The following NBAS variants were observed in gnomAD, a reference collection of about 807,000 sequenced individuals.
NBAS encodes the protein NAG/BC035112 fusion.
In NBAS, 219 loss-of-function variants were observed where a neutral mutation model predicts 302.5. The ratio of observed to expected loss-of-function variants is 0.72; its 90% CI spans 0.65 to 0.81. The LOEUF (loss-of-function observed/expected upper bound fraction) is 0.81, where lower values mean the gene tolerates loss of function less well. Ranked by LOEUF, NBAS falls within the 30% of genes least tolerant of loss-of-function variation. The pLI is 0.00. For synonymous variants in NBAS, 1,118 were observed against 1,021.6 expected, an observed-to-expected ratio of 1.09 and a Z score of -1.80; for missense variants, 2,932 against 2,841.6, an observed-to-expected ratio of 1.03 and a Z score of -0.72.
intron 48 of NBAS, among the ~76,000 whole-genome samples, chr2:15,197,989 T>TGG (rs2125156344): frequency 6.6e-6 from 1 of 152,372 alleles, no homozygotes; most frequent in South Asian, 2.1e-4. Context: ...AAGTAGATTA[T>TGG]GGACATTGGC....
the NBAS span, among the ~76,000 whole-genome samples, chr2:14,856,366 T>C: frequency 6.6e-6 from 1 of 152,234 alleles, no homozygotes; most frequent in South Asian, 2.1e-4. Context: ...ATAATTAATA[T>C]ATGACCCTTC....
chr2:15,022,014 T>A, the NBAS span, among the ~76,000 whole-genome samples: 25 of 152,134 alleles, frequency 1.6e-4, no homozygotes, highest in Non-Finnish European at 3.7e-4. Context: ...TAGGAACTAC[T>A]CTTGAAACGT....
the NBAS span, among the ~76,000 whole-genome samples, chr2:14,934,110 T>C: frequency 6.6e-6 from 1 of 152,170 alleles, no homozygotes; most frequent in Non-Finnish European, 1.5e-5. Flanking sequence ...AATTTACAAA[T>C]GGAAAGGCTA....
the NBAS span, among the ~76,000 whole-genome samples, chr2:14,873,340 T>A: frequency 1.3e-5 from 2 of 152,192 alleles, no homozygotes; most frequent in Non-Finnish European, 2.9e-5. Flanking sequence ...CACCTCTCAC[T>A]AGTAGCTGGG....
intron 29 of NBAS, among the ~76,000 whole-genome samples, chr2:15,382,099 C>T (rs1190287324): frequency 2.2e-5 from 2 of 90,078 alleles, no homozygotes; most frequent in South Asian, 3.2e-4. Flanking sequence ...TCCACACAAA[C>T]GGAAATATAT....
chr2:15,216,312 G>T (rs1430298025), intron 48 of NBAS, among the ~76,000 whole-genome samples: 1 of 152,208 alleles, frequency 6.6e-6, no homozygotes, highest in Admixed American at 6.5e-5. Context: ...AAAACAAAAA[G>T]AGTGAGGGGG....
intron 43 of NBAS, among the ~76,000 whole-genome samples, chr2:15,276,156 A>G (rs1357690431): frequency 6.6e-6 from 1 of 152,184 alleles, no homozygotes; most frequent in Non-Finnish European, 1.5e-5. Flanking sequence ...AAACTGCATT[A>G]CATTTCTTTG....
chr2:15,044,012 G>A, the NBAS span, among the ~76,000 whole-genome samples: 1 of 152,290 alleles, frequency 6.6e-6, no homozygotes, highest in East Asian at 1.9e-4. Context: ...AATGAATGCT[G>A]ATTGACTGGA....
chr2:15,478,318 T>C, intron 12 of NBAS, 29 bp from the exon 13 acceptor site: 5 of 1,517,472 alleles, frequency 3.3e-6, no homozygotes, highest in Non-Finnish European at 4.6e-6. Context: ...ACTTCCTGAG[T>C]GAACTATGTA....
chr2:15,171,680 C>T (rs540004993), intron 51 of NBAS, among the ~76,000 whole-genome samples: 7 of 152,178 alleles, frequency 4.6e-5, no homozygotes, highest in African/African-American at 9.7e-5. Flanking sequence ...ATTCGTATGT[C>T]GAAGCCCTTA....
chr2:14,995,251 C>T, the NBAS span, among the ~76,000 whole-genome samples: 2 of 152,088 alleles, frequency 1.3e-5, no homozygotes, highest in African/African-American at 2.4e-5. Flanking sequence ...TGATGTTCCC[C>T]TTTCTGTGTC....
At chr2:14,939,853 T>A in the NBAS span, among the ~76,000 whole-genome samples, 1 of 152,254 alleles carries the variant, frequency 6.6e-6, no homozygotes, top group Non-Finnish European at 1.5e-5. Context: ...GAATGACTTT[T>A]AGAGATTATG....
At chr2:15,370,844 C>T (rs564342679) in intron 31 of NBAS, among the ~76,000 whole-genome samples, 1 of 152,304 alleles carries the variant, frequency 6.6e-6, no homozygotes, top group South Asian at 2.1e-4. Context: ...GTGGAAGGGA[C>T]TTGTCCTGTC....
chr2:15,054,243 T>A, the NBAS span, among the ~76,000 whole-genome samples: 2 of 152,242 alleles, frequency 1.3e-5, no homozygotes. Context: ...GAAAGCCATG[T>A]GCAGAGAGGT....
the NBAS span, among the ~76,000 whole-genome samples, chr2:14,854,248 A>T: frequency 6.6e-6 from 1 of 151,970 alleles, no homozygotes; most frequent in Non-Finnish European, 1.5e-5. Context: ...TCAAATAAAC[A>T]ACCTAATGAT....
At chr2:15,494,496 G>A (rs902473762) in intron 11 of NBAS, among the ~76,000 whole-genome samples, 4 of 152,138 alleles carry the variant, frequency 2.6e-5, no homozygotes, top group South Asian at 4.1e-4. Flanking sequence ...CATCTTAATC[G>A]TAAATTCCAA....
the NBAS span, among the ~76,000 whole-genome samples, chr2:14,970,185 C>T: frequency 6.6e-6 from 1 of 152,092 alleles, no homozygotes. Context: ...GGTAGTCTTG[C>T]AATTTCATAT....
At chr2:15,559,689 G>A (rs908573885) in intron 1 of NBAS, among the ~76,000 whole-genome samples, 1 of 152,142 alleles carries the variant, frequency 6.6e-6, no homozygotes, top group Non-Finnish European at 1.5e-5. Context: ...ACAGAATGCA[G>A]AAATCGATAG....
the NBAS span, among the ~76,000 whole-genome samples, chr2:14,825,831 CTGGGTGTCAG>C: frequency 6.6e-6 from 1 of 152,096 alleles, no homozygotes; most frequent in African/African-American, 2.4e-5. Flanking sequence ...AGGAACTAGG[CTGGGTGTCAG>C]TAGGCATTTG....
Sources: gnomAD v4.1 joint callset for allele counts (sites outside exome capture counted in the v4.1 genomes callset) on GRCh38, gnomAD v4.1.1 for gene constraint, MANE v1.5 for transcripts, NCBI Gene and HGNC (gene_info 2026-07-23, HGNC 2026-07-21) for gene names.